MYO15A: variants seen among roughly 807,000 people sequenced by gnomAD.
The protein encoded by MYO15A is myosin XVA.
A neutral mutation model predicts 394.6 loss-of-function variants in MYO15A; 308 were observed. That is an observed-to-expected ratio of 0.78 (90% CI 0.71 to 0.86). The LOEUF (loss-of-function observed/expected upper bound fraction) is 0.86. Ranked by LOEUF, MYO15A falls within the 40% of genes least tolerant of loss-of-function variation. The pLI is 0.00. For missense variants in MYO15A, 4,606 were observed against 4,799.1 expected (o/e 0.96, Z 1.19); for synonymous variants, 1,957 against 2,003.8 (o/e 0.98, Z 0.62).
chr17:18,151,774 T>G (rs1403325068), intron 40 of MYO15A, 72 bp from the exon 41 acceptor site: 28 of 1,430,652 alleles, frequency 2.0e-5, no homozygotes, highest in Non-Finnish European at 2.6e-5. Flanking sequence ...GGAGGAAGTT[T>G]CCTACTGTCA....
intron 7 of MYO15A, among the ~76,000 whole-genome samples, chr17:18,129,846 C>T (rs1247791244): frequency 6.6e-6 from 1 of 152,182 alleles, no homozygotes; most frequent in Non-Finnish European, 1.5e-5. Flanking sequence ...CCCTGGGCAG[C>T]TCTGCCCGTG....
At chr17:18,157,927 C>A in intron 51 of MYO15A, 27 bp downstream of exon 51, 2 of 99,320 alleles carry the variant, frequency 2.0e-5, no homozygotes, top group Non-Finnish European at 1.6e-5. Flanking sequence ...TGGGGTGGGG[C>A]GGGGTAGACC....
At chr17:18,164,930 G>A (rs557900868) in intron 60 of MYO15A, 2 of 150,108 alleles carry the variant, frequency 1.3e-5, no homozygotes, top group African/African-American at 2.5e-5. Flanking sequence ...ACCTAAGGTC[G>A]GGAGTTCGAG....
intron 62 of MYO15A, among the ~76,000 whole-genome samples, chr17:18,168,291 C>T (rs1229810799): frequency 2.0e-5 from 3 of 152,068 alleles, no homozygotes; most frequent in East Asian, 1.9e-4. Flanking sequence ...TGTGGCCGGG[C>T]GCGGTCGCTC....
At chr17:18,161,035 T>G in intron 56 of MYO15A, 1 of 571,206 alleles carries the variant, frequency 1.8e-6, no homozygotes, top group Non-Finnish European at 3.2e-6. Flanking sequence ...AGAGATCCCC[T>G]ACCTGTTGTG....
rs750170913 is a variant in MYO15A at position 18,163,274 on chromosome 17, C to T, written c.9643C>T (p.Leu3215Phe). Residue 3215 changes from leucine (L) to phenylalanine (F), a missense_variant, in exon 59 of 66, where the codon CTT (leucine) becomes TTT (phenylalanine). Coordinates refer to ENST00000647165, the MANE Select transcript of MYO15A (RefSeq NM_016239.4). ...AGRSSKRQLF[L>F]LPGGLERHLK... ...CCGCAGTTCCAAGAGGCAACTCTTT[C>T]TTCTTCCTGGAGGCCTTGAACGCCA... 1 of 1,614,252 alleles carries T rather than the reference C, an allele frequency of 6.2e-7. No homozygotes were observed. Among genetic ancestry groups the T allele is most frequent in the East Asian group, 2.2e-5 (1 of 44,886 alleles).
At chr17:18,124,592 G>A (rs2045998640) in intron 3 of MYO15A, 27 bp downstream of exon 3, 2 of 1,609,206 alleles carry the variant, frequency 1.2e-6, no homozygotes, top group Non-Finnish European at 1.7e-6. Context: ...GGCGGGGTCA[G>A]CAAGGGGTCA....
intron 63 of MYO15A, 66 bp downstream of exon 63, chr17:18,171,837 T>C: frequency 6.4e-7 from 1 of 1,568,698 alleles, no homozygotes; most frequent in Non-Finnish European, 8.6e-7. Flanking sequence ...TCATGGAGGA[T>C]GGGTATGGAG....
intron 2 of MYO15A, 52 bp from the exon 3 acceptor site, chr17:18,124,431 G>C (rs2045993853): frequency 2.5e-6 from 4 of 1,582,140 alleles, no homozygotes; most frequent in Non-Finnish European, 2.6e-6. Context: ...GGGGTCAGTG[G>C]GGGAGGGGGG....
At chr17:18,177,577 G>C (rs2047031723) in intron 65 of MYO15A, 1 of 152,200 alleles carries the variant, frequency 6.6e-6, no homozygotes, top group African/African-American at 2.4e-5. Context: ...CCCAAGGCAG[G>C]GCCAGCACAG....
At position 18,157,871 on chromosome 17, in the gene MYO15A, G is replaced by A. The variant is rs1407047924; in HGVS notation, c.8938G>A (p.Ala2980Thr). The part of the protein sequence containing the change: ...AVAAAVASAA[A>T]AQEVGRRREG... ...GGCCGCTGCTGTGGCCTCTGCAGCCGCTGCACAGGAGGTGGGCCGCAGGAG... is the reference window on the plus strand; with the variant it reads ...GGCCGCTGCTGTGGCCTCTGCAGCCACTGCACAGGAGGTGGGCCGCAGGAG... The change falls in exon 51 of 66, where the codon GCT becomes ACT. Residue 2980 changes from alanine to threonine, a missense_variant. Ala to Thr is a moderately conservative substitution (Grantham distance 58). Coordinates refer to ENST00000647165, the MANE Select transcript of MYO15A (RefSeq NM_016239.4). 1 of 1,553,280 alleles carries A rather than the reference G, an allele frequency of 6.4e-7. No individual in the cohort carries two copies. The highest frequency in any genetic ancestry group is 8.6e-7 in the Non-Finnish European group (1 of 1,156,736).
In MYO15A at chr17:18,147,992, A is replaced by G; in HGVS notation, c.6510-37A>G. Reference sequence around the variant, plus strand: ...GCCCTCAGCCCCAAGCTAGCTTCAGATCCTTCTTGATCCTGGCTCCAACTC... The same window carrying G: ...GCCCTCAGCCCCAAGCTAGCTTCAGGTCCTTCTTGATCCTGGCTCCAACTC... On this transcript the variant is annotated intron_variant, in intron 30 of 65. Coordinates refer to ENST00000647165, the MANE Select transcript of MYO15A (RefSeq NM_016239.4). This position sits in a 1 kb window ranked among gnomAD's most constrained non-coding sequence, Gnocchi z 4.4. The G allele has an allele frequency of 6.2e-7, 1 of 1,613,332 alleles. No homozygotes were observed. The highest frequency in any genetic ancestry group is 8.5e-7 in the Non-Finnish European group (1 of 1,179,628).
At chr17:18,127,421 C>T (rs963441222) in intron 7 of MYO15A, among the ~76,000 whole-genome samples, 1 of 152,108 alleles carries the variant, frequency 6.6e-6, no homozygotes, top group Non-Finnish European at 1.5e-5. Flanking sequence ...GAGTGGAGAC[C>T]ACATAGGGAA....
rs748929960 is a variant in MYO15A at position 18,121,870 on chromosome 17, CCAG to C, written c.3074_3076del (p.Ala1025del). The C allele has an allele frequency of 1.9e-6, 3 of 1,612,836 alleles. No homozygotes were observed. The African/African-American group carries it at 4.0e-5, about 22-fold the overall frequency. On this transcript the variant is annotated inframe_deletion, in exon 2 of 66. Transcript: ENST00000647165. The surrounding 1 kb of genome is among the most constrained non-coding windows in gnomAD (Gnocchi z 5.3). ...GGCCACCCTGGGGGACCCCCAGCTG[CCAG>C]CAGAGACCAAGCCTCCAACCCCAGC...
chr17:18,129,649 TC>T (rs2046115947), intron 7 of MYO15A, among the ~76,000 whole-genome samples: 1 of 152,176 alleles, frequency 6.6e-6, no homozygotes, highest in Admixed American at 6.5e-5. Context: ...TGCTCATCAC[TC>T]GAGTGGACTC....
rs2047055247 is a variant in MYO15A, at chr17:18,179,117, T to G, written c.*247T>G. Reference sequence around the variant, plus strand: ...GAACTTTCAAAAGTCTGGCCCACTGTGCAGTGGAGCAGAAGGCAGGACCAT... The same window carrying G: ...GAACTTTCAAAAGTCTGGCCCACTGGGCAGTGGAGCAGAAGGCAGGACCAT... On this transcript the variant is annotated 3_prime_UTR_variant, in exon 66 of 66. Coordinates refer to ENST00000647165, the MANE Select transcript of MYO15A (RefSeq NM_016239.4). 1 of 585,486 alleles carries G rather than the reference T, an allele frequency of 1.7e-6. No individual in the cohort carries two copies. Among genetic ancestry groups the G allele is most frequent in the African/African-American group, 1.9e-5 (1 of 53,712 alleles). 36.3% of individuals were successfully genotyped at this position (585,486 alleles called of 1,614,324 possible).
rs750022100 is a variant in MYO15A at position 18,119,193 on chromosome 17, C to G, written c.393C>G (p.Ser131=). 426 of 1,612,402 alleles carry G rather than the reference C, an allele frequency of 2.6e-4. 1 individual carries two copies. The highest frequency in any genetic ancestry group is 1.6e-4 in the Middle Eastern group (1 of 6,082). The change falls in exon 2 of 66, where the codon TCC becomes TCG. Residue 131 remains serine, a synonymous_variant. Coordinates refer to ENST00000647165, the MANE Select transcript of MYO15A (RefSeq NM_016239.4). ...GCGCCCGGTCACTCAGCAAAGCGTC[C>G]ACGGCCATCAACTGGCTCACAAAAA... The part of the protein sequence containing the change: ...RPRARSLSKA[S]TAINWLTKKF...
chr17:18,114,949 C>A (rs854767), intron 1 of MYO15A, among the ~76,000 whole-genome samples: 68,390 of 151,886 alleles, frequency 0.45, 16,852 homozygotes, highest in South Asian at 0.71. Flanking sequence ...GACTCCCTAA[C>A]TGATGTCACC....
Position 18,151,138 on chromosome 17 carries a change from C to T in MYO15A, c.7502C>T (p.Thr2501Met), listed in dbSNP as rs749920996. Residue 2501 changes from threonine to methionine, a missense_variant, in exon 39 of 66, where the codon ACG (threonine) becomes ATG (methionine). Coordinates refer to ENST00000647165, the MANE Select transcript of MYO15A (RefSeq NM_016239.4). ...EKPPAPEAQP[T>M]SVGTGPPAKP... Reference sequence around the variant, plus strand: ...CCCCCAGCACCAGAGGCACAGCCGACGTCTGTAGGCACCGGTCCCCCTGCC... The same window carrying T: ...CCCCCAGCACCAGAGGCACAGCCGATGTCTGTAGGCACCGGTCCCCCTGCC... 1.1e-4 allele frequency: 175 copies of T among 1,613,860 alleles called. No individual in the cohort carries two copies. Among genetic ancestry groups the T allele is most frequent in the East Asian group, 8.5e-4 (38 of 44,890 alleles).
Sources: gnomAD v4.1 joint callset for allele counts (sites outside exome capture counted in the v4.1 genomes callset) on GRCh38, gnomAD v4.1.1 for gene constraint, Gnocchi (gnomAD v3.1) non-coding constraint, MANE v1.5 for transcripts, NCBI Gene and HGNC (gene_info 2026-07-23, HGNC 2026-07-21) for gene names.